The following PHACTR1 variants were observed in gnomAD, a reference collection of about 807,000 sequenced individuals.
The protein encoded by PHACTR1 is RPEL repeat containing 1.
In PHACTR1, 16 loss-of-function variants were observed where a neutral mutation model predicts 69.2. That is an observed-to-expected ratio of 0.23 (90% CI 0.16 to 0.35). The LOEUF (loss-of-function observed/expected upper bound fraction) is 0.35. Among genes scored for constraint, PHACTR1 ranks in the 10% least tolerant of loss-of-function variants. The pLI is 1.00. For missense variants in PHACTR1, 510 were observed against 734.7 expected, an observed-to-expected ratio of 0.69 and a Z score of 3.54; for synonymous variants, 312 against 284.5, an observed-to-expected ratio of 1.10 and a Z score of -0.97.
At chr6:13,180,307 A>T (rs971726121) in intron 6 of PHACTR1, among the ~76,000 whole-genome samples, 2 of 152,100 alleles carry the variant, frequency 1.3e-5, no homozygotes, top group Non-Finnish European at 2.9e-5. Flanking sequence ...TCCCAAGCTT[A>T]TTTCCTCTCC....
chr6:12,832,805 C>A (rs1408152367), intron 4 of PHACTR1, among the ~76,000 whole-genome samples: 1 of 152,046 alleles, frequency 6.6e-6, no homozygotes, highest in African/African-American at 2.4e-5. Flanking sequence ...TGTTGTCAGG[C>A]ACACAGATAT....
intron 4 of PHACTR1, among the ~76,000 whole-genome samples, chr6:12,856,958 T>C (rs1780435403): frequency 6.6e-6 from 1 of 152,162 alleles, no homozygotes; most frequent in African/African-American, 2.4e-5. Context: ...CCCTTGAAAA[T>C]TGAGGCTTCG....
At chr6:12,720,322 G>A (rs1224973366) in intron 3 of PHACTR1, among the ~76,000 whole-genome samples, 2 of 152,226 alleles carry the variant, frequency 1.3e-5, no homozygotes, top group Admixed American at 6.5e-5. Flanking sequence ...AAAACAGAAA[G>A]GGGGGCAGCA....
chr6:12,821,553 C>A (rs1258454404), intron 4 of PHACTR1, among the ~76,000 whole-genome samples: 1 of 150,992 alleles, frequency 6.6e-6, no homozygotes, highest in Non-Finnish European at 1.5e-5. Flanking sequence ...CAGGCTGAAA[C>A]CCCAGGAAAC....
intron 8 of PHACTR1, among the ~76,000 whole-genome samples, chr6:13,215,727 A>G (rs879391607): frequency 6.6e-6 from 1 of 152,262 alleles, no homozygotes; most frequent in Non-Finnish European, 1.5e-5. Flanking sequence ...TGCTAAGGAC[A>G]TATCCAACTC....
chr6:13,024,853 G>T (rs1210887521), intron 4 of PHACTR1, among the ~76,000 whole-genome samples: 1 of 152,182 alleles, frequency 6.6e-6, no homozygotes, highest in African/African-American at 2.4e-5. Context: ...GGTCTTTGAG[G>T]TTGAATCTGT....
intron 10 of PHACTR1, among the ~76,000 whole-genome samples, chr6:13,264,126 G>C (rs1012141685): frequency 3.3e-5 from 5 of 152,194 alleles, no homozygotes; most frequent in African/African-American, 4.8e-5. Flanking sequence ...ATCTCAACTT[G>C]AAAGAATAAG....
chr6:12,865,169 G>A (rs756129012), intron 4 of PHACTR1, among the ~76,000 whole-genome samples: 1 of 152,130 alleles, frequency 6.6e-6, no homozygotes, highest in Admixed American at 6.5e-5. Flanking sequence ...GATAGCCACC[G>A]TAGCAGAGGC....
intron 3 of PHACTR1, among the ~76,000 whole-genome samples, chr6:12,724,698 A>G (rs1360328387): frequency 1.3e-5 from 2 of 152,210 alleles, no homozygotes; most frequent in Non-Finnish European, 2.9e-5. Flanking sequence ...GGGATGGTCA[A>G]GCTGTGGCTC....
Position 12,932,605 on chromosome 6 carries a change from T to C in PHACTR1, c.251-120760T>C, listed in dbSNP as rs548255323. On this transcript the variant is annotated intron_variant, in intron 4 of 14. Coordinates refer to ENST00000332995, the MANE Select transcript of PHACTR1 (RefSeq NM_030948.6). ...AAAGACGCTTTAAATCATTGTCATATTCATAAAGACACATTAAATCATTGT... is the reference window on the plus strand; with the variant it reads ...AAAGACGCTTTAAATCATTGTCATACTCATAAAGACACATTAAATCATTGT... Among the ~76,000 whole-genome samples, 8 of 152,370 alleles carry C rather than the reference T, an allele frequency of 5.3e-5. No individual in the cohort carries two copies. In the South Asian group the frequency reaches 1.7e-3, roughly 32 times the overall value.
intron 4 of PHACTR1, among the ~76,000 whole-genome samples, chr6:13,024,392 C>T (rs962681567): frequency 1.3e-5 from 2 of 152,166 alleles, no homozygotes; most frequent in Admixed American, 6.5e-5. Flanking sequence ...TGGAAACTGT[C>T]ACCGGTCTGA....
intron 4 of PHACTR1, among the ~76,000 whole-genome samples, chr6:12,957,133 G>C (rs974008706): frequency 6.6e-6 from 1 of 151,894 alleles, no homozygotes; most frequent in Non-Finnish European, 1.5e-5. Flanking sequence ...GTGGTTTTCC[G>C]ATCAGCGATC....
At chr6:12,761,496 G>GT (rs1337944901) in intron 4 of PHACTR1, among the ~76,000 whole-genome samples, 1 of 152,170 alleles carries the variant, frequency 6.6e-6, no homozygotes, top group African/African-American at 2.4e-5. Flanking sequence ...TTTTACAAGT[G>GT]TTTTTGAGTC....
At chr6:12,856,790 G>A (rs1432725570) in intron 4 of PHACTR1, among the ~76,000 whole-genome samples, 2 of 152,178 alleles carry the variant, frequency 1.3e-5, no homozygotes, top group South Asian at 2.1e-4. Flanking sequence ...CCCTTGGCCA[G>A]TCTAAACAAA....
rs547369796 is a variant in PHACTR1 at position 13,043,224 on chromosome 6, C to G, written c.251-10141C>G. ...GGTGGATCACTTGAGGTCAGGGGTG[C>G]GAGACCAGCCTGGCCAACATGGCAA... is the stretch of plus-strand genomic sequence containing the variant. On this transcript the variant is annotated intron_variant, in intron 4 of 14. Coordinates refer to ENST00000332995, the MANE Select transcript of PHACTR1 (RefSeq NM_030948.6). 1.1e-3 allele frequency among the ~76,000 whole-genome samples: 174 copies of G among 152,190 alleles called. 1 individual carries two copies. Among genetic ancestry groups the G allele is most frequent in the Middle Eastern group, 6.8e-3 (2 of 294 alleles).
chr6:13,003,951 C>CTATATATATATATATATATACATATATA (rs1384494931), intron 4 of PHACTR1, among the ~76,000 whole-genome samples: 1 of 93,548 alleles, frequency 1.1e-5, no homozygotes, highest in African/African-American at 6.2e-5. Context: ...AGTAGTATTC[C>CTATATATATATATATATATACATATATA]TATATATATA....
At chr6:13,204,048 A>G (rs772358204) in intron 7 of PHACTR1, among the ~76,000 whole-genome samples, 3 of 152,116 alleles carry the variant, frequency 2.0e-5, no homozygotes, top group Non-Finnish European at 4.4e-5. Flanking sequence ...GGGCCATAGG[A>G]GAGATTCTGC....
Position 12,820,330 on chromosome 6 carries a change from G to A in PHACTR1, c.250+70540G>A, listed in dbSNP as rs563615842. 2.1e-3 allele frequency among the ~76,000 whole-genome samples: 313 copies of A among 152,172 alleles called. 1 individual carries two copies. The highest frequency in any genetic ancestry group is 6.8e-3 in the African/African-American group (283 of 41,512). On this transcript the variant is annotated intron_variant, in intron 4 of 14. Transcript: ENST00000332995. The stretch of plus-strand genomic sequence containing the variant: ...CAAGGAGCTGGGACTACAGGCGCAT[G>A]CCACCACGTCTGACTAATTTTTTGT...
intron 5 of PHACTR1, among the ~76,000 whole-genome samples, chr6:13,069,706 A>G (rs992518143): frequency 3.3e-5 from 5 of 152,134 alleles, no homozygotes; most frequent in South Asian, 2.1e-4. Context: ...CAACAATGTC[A>G]TATCGGTTGA....
Sources: gnomAD v4.1 joint callset for allele counts (sites outside exome capture counted in the v4.1 genomes callset) on GRCh38, gnomAD v4.1.1 for gene constraint, MANE v1.5 for transcripts, NCBI Gene and HGNC (gene_info 2026-07-23, HGNC 2026-07-21) for gene names.